Variants in MTREX observed in about 807,000 individuals in gnomAD.
MTREX encodes the protein Mtr4 exosome RNA helicase.
In MTREX, 76 loss-of-function variants were observed where a neutral mutation model predicts 135.4. The observed-to-expected ratio is 0.56, with a 90% confidence interval of 0.47 to 0.68. MTREX has a LOEUF of 0.68. Among genes scored for constraint, MTREX ranks in the 30% least tolerant of loss-of-function variants. The probability of loss-of-function intolerance (pLI) is 0.00; values close to 1 mark genes in which losing one functional copy is unlikely to be tolerated. For synonymous variants in MTREX, 404 were observed against 401.6 expected, an observed-to-expected ratio of 1.01 and a Z score of -0.07; for missense variants, 920 against 1,262.1, an observed-to-expected ratio of 0.73 and a Z score of 4.11.
chr5:55,422,816 C>A, intron 25 of MTREX, 62 bp from the exon 26 acceptor site: 2 of 1,371,294 alleles, frequency 1.5e-6, no homozygotes, highest in Non-Finnish European at 1.0e-6. Flanking sequence ...TGCCTCTTAA[C>A]AAAAATTCTG....
In MTREX at chr5:55,325,799, A is replaced by G. The variant is rs1749368423; in HGVS notation, c.339+1601A>G. Among the ~76,000 whole-genome samples, 5 of 152,034 alleles carry G rather than the reference A, an allele frequency of 3.3e-5. No homozygotes were observed. In the South Asian group the frequency reaches 1.0e-3, roughly 31 times the overall value. ...TTCACTTCCTGCTGTTGGAGTCCTCAGTGTCTGTTGTTCTTATCTTTATGT... is the reference window on the plus strand; with the variant it reads ...TTCACTTCCTGCTGTTGGAGTCCTCGGTGTCTGTTGTTCTTATCTTTATGT... On this transcript the variant is annotated intron_variant, in intron 3 of 26. Transcript: ENST00000230640.
intron 26 of MTREX, chr5:55,424,008 T>C (rs953108892): frequency 2.0e-5 from 3 of 152,192 alleles, no homozygotes; most frequent in African/African-American, 7.2e-5. Context: ...TTCCTTGGCC[T>C]AGAAAGAATT....
At position 55,425,376 on chromosome 5, in the gene MTREX, A is replaced by T. The variant is rs746759856; in HGVS notation, c.*604A>T. 2 of 1,513,566 alleles carry T rather than the reference A, an allele frequency of 1.3e-6. No individual in the cohort carries two copies. Among genetic ancestry groups the T allele is most frequent in the Non-Finnish European group, 9.0e-7 (1 of 1,110,778 alleles). The allele number at this position is 1,513,566 out of a possible 1,614,324, so 93.8% of individuals were successfully genotyped here. A position where few individuals can be genotyped will look rare whatever the true frequency, so the allele number is the denominator to read the frequency against. ...TTAATGGTATAATTTAGATCAAGTT[A>T]AAAACTACATACAAAGTTGTGATCA... On this transcript the variant is annotated 3_prime_UTR_variant, in exon 27 of 27. Transcript: ENST00000230640.
At chr5:55,375,716 T>A (rs904075049) in intron 16 of MTREX, among the ~76,000 whole-genome samples, 5 of 152,122 alleles carry the variant, frequency 3.3e-5, no homozygotes, top group African/African-American at 1.2e-4. Flanking sequence ...ACAAGGGTAT[T>A]GATTGGGGAA....
intron 1 of MTREX, among the ~76,000 whole-genome samples, chr5:55,313,501 A>G (rs571369576): frequency 1.3e-5 from 2 of 152,328 alleles, no homozygotes; most frequent in East Asian, 3.9e-4. Flanking sequence ...TTTTTCTTAT[A>G]TATACTTACA....
At chr5:55,346,586 A>C (rs1749736804) in intron 10 of MTREX, among the ~76,000 whole-genome samples, 1 of 152,200 alleles carries the variant, frequency 6.6e-6, no homozygotes, top group South Asian at 2.1e-4. Context: ...CCTGGTGGCT[A>C]ATGATGTTGA....
intron 5 of MTREX, among the ~76,000 whole-genome samples, chr5:55,331,696 C>T (rs1287087619): frequency 6.6e-6 from 1 of 152,210 alleles, no homozygotes; most frequent in African/African-American, 2.4e-5. Context: ...CTGCAAACTC[C>T]AGCTGCCCTG....
chr5:55,387,845 G>A, intron 18 of MTREX, 129 bp from the exon 19 acceptor site: 2 of 678,428 alleles, frequency 2.9e-6, no homozygotes, highest in Non-Finnish European at 4.3e-6. Context: ...CATAAAATAA[G>A]TATGTATTAC....
At chr5:55,373,071 A>G (rs564982277) in intron 16 of MTREX, among the ~76,000 whole-genome samples, 7 of 144,958 alleles carry the variant, frequency 4.8e-5, no homozygotes, top group East Asian at 4.1e-4. Flanking sequence ...AGTTTTGTTT[A>G]TTTATTTATT....
chr5:55,423,304 CAATTA>C (rs1751085503), intron 26 of MTREX: 1 of 250,554 alleles, frequency 4.0e-6, no homozygotes. Flanking sequence ...AATAAGTCAA[CAATTA>C]AATTTATCAG....
chr5:55,420,292 A>G (rs914026891), intron 25 of MTREX, among the ~76,000 whole-genome samples: 1 of 152,210 alleles, frequency 6.6e-6, no homozygotes, highest in African/African-American at 2.4e-5. Flanking sequence ...CTGAAGGCAG[A>G]AGTTCTGTTC....
chr5:55,364,843 C>T (rs1292403695), intron 15 of MTREX, among the ~76,000 whole-genome samples: 1 of 152,142 alleles, frequency 6.6e-6, no homozygotes, highest in Middle Eastern at 3.2e-3. Context: ...ATGAGTAACT[C>T]ATTAACCATC....
At chr5:55,361,128 A>C (rs1749999468) in intron 15 of MTREX, among the ~76,000 whole-genome samples, 1 of 152,228 alleles carries the variant, frequency 6.6e-6, no homozygotes, top group East Asian at 1.9e-4. Flanking sequence ...ATGTACTTAA[A>C]GTAGATAGGC....
At chr5:55,370,182 C>A (rs1750173874) in intron 16 of MTREX, among the ~76,000 whole-genome samples, 1 of 152,156 alleles carries the variant, frequency 6.6e-6, no homozygotes, top group South Asian at 2.1e-4. Context: ...CTTGACCTCC[C>A]AAAGTGCTGG....
At chr5:55,389,584 T>G (rs961650282) in intron 19 of MTREX, among the ~76,000 whole-genome samples, 1 of 152,212 alleles carries the variant, frequency 6.6e-6, no homozygotes, top group Non-Finnish European at 1.5e-5. Flanking sequence ...GCTTCAAAAC[T>G]GCTCAGGGTG....
Position 55,341,719 on chromosome 5 carries a change from G to A in MTREX, c.729G>A (p.Met243Ile). The A allele has an allele frequency of 6.3e-7, 1 of 1,598,118 alleles. No homozygotes were observed. Among genetic ancestry groups the A allele is most frequent in the Non-Finnish European group, 8.6e-7 (1 of 1,168,268 alleles). The change falls in exon 7 of 27, where the codon ATG becomes ATA. Residue 243 changes from methionine to isoleucine, a missense_variant. Transcript: ENST00000230640. The part of the protein sequence containing the change: ...RSMLYRGSEV[M>I]REVAWVIFDE... The stretch of plus-strand genomic sequence containing the variant: ...TGCTTTACAGAGGTTCCGAAGTTAT[G>A]AGAGAAGTTGCTTGGGTTATATTTG...
chr5:55,309,614 T>C (rs976995453), intron 1 of MTREX, among the ~76,000 whole-genome samples: 1 of 152,170 alleles, frequency 6.6e-6, no homozygotes, highest in African/African-American at 2.4e-5. Context: ...GTTCAGAGGT[T>C]TTGATATAGT....
intron 17 of MTREX, among the ~76,000 whole-genome samples, chr5:55,378,700 A>G (rs1274595210): frequency 6.6e-6 from 1 of 152,192 alleles, no homozygotes; most frequent in Non-Finnish European, 1.5e-5. Flanking sequence ...TTTGGGGACT[A>G]TAAATTGAAG....
chr5:55,399,730 G>A (rs375746207), intron 20 of MTREX, among the ~76,000 whole-genome samples: 173 of 152,068 alleles, frequency 1.1e-3, no homozygotes, highest in Non-Finnish European at 1.7e-3. Context: ...CTTGTGATCC[G>A]CCCACCTCGG....
Sources: allele counts gnomAD v4.1 joint callset (sites outside exome capture counted in the v4.1 genomes callset), GRCh38; gene constraint gnomAD v4.1.1; transcripts MANE v1.5; gene names NCBI Gene and HGNC (gene_info 2026-07-23, HGNC 2026-07-21).